The following NCOA1 variants were observed in gnomAD, a reference collection of about 807,000 sequenced individuals.
The protein encoded by NCOA1 is nuclear receptor coactivator 1.
NCOA1 carries 35 observed loss-of-function variants against 150.9 expected under a neutral mutation model. The ratio of observed to expected loss-of-function variants is 0.23; its 90% CI spans 0.18 to 0.31. The LOEUF is 0.31. NCOA1 is among the 10% of genes least tolerant of loss of function. The pLI is 1.00. For synonymous variants in NCOA1, 590 were observed against 630.0 expected (o/e 0.94, Z 0.95); for missense variants, 1,491 against 1,749.3 (o/e 0.85, Z 2.63).
intron 3 of NCOA1, among the ~76,000 whole-genome samples, chr2:24,612,640 T>C (rs192041794): frequency 9.7e-4 from 148 of 152,276 alleles, no homozygotes; most frequent in African/African-American, 3.4e-3. Flanking sequence ...AAGGGCAGTC[T>C]TCAAGCTCTG....
At chr2:24,538,451 AG>A (rs1665256726) in intron 1 of NCOA1, among the ~76,000 whole-genome samples, 1 of 152,230 alleles carries the variant, frequency 6.6e-6, no homozygotes, top group Non-Finnish European at 1.5e-5. Flanking sequence ...GGGAATCAGA[AG>A]ATCTGGATGC....
intron 6 of NCOA1, among the ~76,000 whole-genome samples, chr2:24,666,491 G>A (rs183619152): frequency 3.8e-4 from 58 of 152,274 alleles, no homozygotes; most frequent in South Asian, 2.5e-3. Context: ...CAGTATCATA[G>A]GGGATTGAGT....
Position 24,584,539 on chromosome 2 carries a change from G to A in NCOA1, c.-196G>A, listed in dbSNP as rs1327019442. The A allele has an allele frequency of 2.0e-5, 3 of 152,188 alleles. No individual in the cohort carries two copies. The East Asian group carries it at 5.8e-4, about 29-fold the overall frequency. The allele number at this position is 152,188 out of a possible 1,614,324, so 9.4% of individuals were successfully genotyped here. On this transcript the variant is annotated 5_prime_UTR_variant, in exon 3 of 23. Transcript: ENST00000348332. ...CTCAGAAATCACTAAATACTACTCT[G>A]AGGGGCTTAGAAATTAACAGGGTAA...
chr2:24,536,632 T>G (rs1175689868), intron 1 of NCOA1, among the ~76,000 whole-genome samples: 1 of 152,174 alleles, frequency 6.6e-6, no homozygotes, highest in Non-Finnish European at 1.5e-5. Context: ...CAGATGGGGT[T>G]TCGGTGTGGA....
chr2:24,531,810 T>C (rs1664913397), intron 1 of NCOA1, among the ~76,000 whole-genome samples: 1 of 152,246 alleles, frequency 6.6e-6, no homozygotes, highest in African/African-American at 2.4e-5. Flanking sequence ...GACTGCATAG[T>C]ATTCCATGGT....
At chr2:24,699,732 G>C (rs1673064913) in intron 11 of NCOA1, among the ~76,000 whole-genome samples, 1 of 152,176 alleles carries the variant, frequency 6.6e-6, no homozygotes, top group African/African-American at 2.4e-5. Flanking sequence ...TATCTAGCCA[G>C]ATATGAGAAA....
intron 3 of NCOA1, among the ~76,000 whole-genome samples, chr2:24,601,853 C>G (rs79441788): frequency 1.3e-5 from 2 of 151,908 alleles, no homozygotes; most frequent in Non-Finnish European, 2.9e-5. Flanking sequence ...CCAGGCTGGT[C>G]GTAAACTCCT....
chr2:24,586,439 T>C (rs1366308505), intron 3 of NCOA1, among the ~76,000 whole-genome samples: 1 of 151,864 alleles, frequency 6.6e-6, no homozygotes, highest in Non-Finnish European at 1.5e-5. Context: ...CAGGCTGGAG[T>C]GCAGTGGCAT....
At chr2:24,539,603 A>G (rs191154793) in intron 1 of NCOA1, among the ~76,000 whole-genome samples, 15 of 152,334 alleles carry the variant, frequency 9.8e-5, no homozygotes, top group Admixed American at 7.8e-4. Flanking sequence ...ATTTCAGAAT[A>G]CTTATTCTGG....
chr2:24,557,022 G>A (rs764330426), intron 1 of NCOA1, among the ~76,000 whole-genome samples: 1 of 150,306 alleles, frequency 6.7e-6, no homozygotes, highest in Non-Finnish European at 1.5e-5. Context: ...TGGGGGGGGT[G>A]GCTATCCTGT....
intron 2 of NCOA1, among the ~76,000 whole-genome samples, chr2:24,566,831 G>A (rs1006234272): frequency 1.3e-5 from 2 of 152,258 alleles, no homozygotes; most frequent in African/African-American, 4.8e-5. Flanking sequence ...TTTGCTCCGA[G>A]ATTGGAGCAG....
intron 1 of NCOA1, among the ~76,000 whole-genome samples, chr2:24,506,355 A>C (rs1377369820): frequency 6.6e-6 from 1 of 152,092 alleles, no homozygotes; most frequent in Non-Finnish European, 1.5e-5. Flanking sequence ...CTGGGGGTAC[A>C]TGTCTCAGTT....
intron 14 of NCOA1, among the ~76,000 whole-genome samples, chr2:24,713,700 C>T (rs551436030): frequency 6.6e-6 from 1 of 152,228 alleles, no homozygotes; most frequent in South Asian, 2.1e-4. Flanking sequence ...GAGAAGGAAG[C>T]AAGTCAGGTG....
chr2:24,700,302 T>A (rs1673103022), intron 11 of NCOA1, among the ~76,000 whole-genome samples: 1 of 152,050 alleles, frequency 6.6e-6, no homozygotes, highest in Non-Finnish European at 1.5e-5. Context: ...TGAAACAGAT[T>A]ATGTACTATC....
At chr2:24,527,801 C>T (rs1010084031) in intron 1 of NCOA1, among the ~76,000 whole-genome samples, 2 of 152,170 alleles carry the variant, frequency 1.3e-5, no homozygotes, top group African/African-American at 4.8e-5. Context: ...ACAAAGGTTC[C>T]CTTTTCTCCA....
intron 1 of NCOA1, among the ~76,000 whole-genome samples, chr2:24,519,702 A>G (rs1664345315): frequency 6.6e-6 from 1 of 151,362 alleles, no homozygotes; most frequent in South Asian, 2.1e-4. Context: ...ATGCCTAATT[A>G]CTAGTAGGCA....
intron 17 of NCOA1, 141 bp from the exon 18 acceptor site, chr2:24,739,291 G>C (rs1170344635): frequency 1.6e-6 from 1 of 623,400 alleles, no homozygotes; most frequent in Non-Finnish European, 2.8e-6. Flanking sequence ...TAGCCTTTTG[G>C]AAAATAAACA....
intron 3 of NCOA1, among the ~76,000 whole-genome samples, chr2:24,615,035 A>C (rs1186462112): frequency 1.3e-5 from 2 of 152,224 alleles, no homozygotes; most frequent in Non-Finnish European, 2.9e-5. Flanking sequence ...AGTGGGTAGC[A>C]GAATTGTTAT....
intron 1 of NCOA1, among the ~76,000 whole-genome samples, chr2:24,497,214 T>A (rs1663256240): frequency 6.6e-6 from 1 of 152,152 alleles, no homozygotes; most frequent in Non-Finnish European, 1.5e-5. Context: ...ACCTTTCAAT[T>A]GGCTTCTCTT....
Sources: gnomAD v4.1 joint callset for allele counts (sites outside exome capture counted in the v4.1 genomes callset) on GRCh38, gnomAD v4.1.1 for gene constraint, MANE v1.5 for transcripts, NCBI Gene and HGNC (gene_info 2026-07-23, HGNC 2026-07-21) for gene names.